PTPN7: variants seen among roughly 807,000 people sequenced by gnomAD.
The protein encoded by PTPN7 is tyrosine-protein phosphatase non-receptor type 7.
A neutral mutation model predicts 50.3 loss-of-function variants in PTPN7; 33 were observed. The observed-to-expected ratio is 0.66, with a 90% CI of 0.50 to 0.88. The LOEUF (loss-of-function observed/expected upper bound fraction) is 0.88, where lower values mean the gene tolerates loss of function less well. Among genes scored for constraint, PTPN7 ranks in the 40% least tolerant of loss-of-function variants. PTPN7 has a pLI of 0.00. For synonymous variants in PTPN7, 185 were observed against 186.6 expected (o/e 0.99, Z 0.07); for missense variants, 412 against 475.4 (o/e 0.87, Z 1.24).
At chr1:202,149,078 C>T (rs1014593389) in intron 9 of PTPN7, among the ~76,000 whole-genome samples, 10 of 152,036 alleles carry the variant, frequency 6.6e-5, no homozygotes, top group Non-Finnish European at 1.0e-4. Flanking sequence ...TGGTCTTGAA[C>T]TCCTGACCTC....
At position 202,159,554 on chromosome 1, in the gene PTPN7, C is replaced by T. The variant is rs143002352; in HGVS notation, c.-52-100G>A. 7.0e-5 allele frequency: 106 copies of T among 1,509,634 alleles called. No individual in the cohort carries two copies. The South Asian group carries it at 9.4e-4, about 13-fold the overall frequency. 93.5% of individuals were successfully genotyped at this position (1,509,634 alleles called of 1,614,324 possible). On this transcript the variant is annotated intron_variant, in intron 1 of 9. Transcript: ENST00000691036. This position sits in a 1 kb window ranked among gnomAD's most constrained non-coding sequence, Gnocchi z 4.6. ...GGTTTGCACTCTGTTTTCACTGGGG[C>T]GTCTTCTGTTCCCCAAGAGGTGGCC...
Position 202,158,086 on chromosome 1 carries a change from A to C in PTPN7, c.306+32T>G, listed in dbSNP as rs748255766. The C allele has an allele frequency of 1.9e-6, 3 of 1,548,828 alleles. No homozygotes were observed. The East Asian group carries it at 6.7e-5, about 35-fold the overall frequency. ...GCTGGCTGCCTCTGATACAGAGGGC[A>C]GAGCGATTCAGAGGGGACCCCAATT... is the stretch of plus-strand genomic sequence containing the variant. On this transcript the variant is annotated intron_variant, in intron 3 of 9. Transcript: ENST00000691036.
At chr1:202,155,195 A>G (rs1041539864) in intron 5 of PTPN7, among the ~76,000 whole-genome samples, 3 of 152,182 alleles carry the variant, frequency 2.0e-5, no homozygotes, top group East Asian at 1.9e-4. Context: ...TCACCTATGC[A>G]GTTCTCGGGA....
Position 202,159,674 on chromosome 1 carries a change from T to G in PTPN7, c.-52-220A>C. 7.2e-7 allele frequency: 1 copy of G among 1,396,170 alleles called. No individual in the cohort carries two copies. The highest frequency in any genetic ancestry group is 2.5e-5 in the East Asian group (1 of 40,024). The allele number at this position is 1,396,170 out of a possible 1,614,324, so 86.5% of individuals were successfully genotyped here. The stretch of plus-strand genomic sequence containing the variant: ...GTAACGGCAAGATAAAGGGTAGAGA[T>G]TGTGGATGAAGATAGGAAAGAATCC... On this transcript the variant is annotated intron_variant, in intron 1 of 9. Transcript: ENST00000691036. This position sits in a 1 kb window ranked among gnomAD's most constrained non-coding sequence, Gnocchi z 4.6.
intron 8 of PTPN7, among the ~76,000 whole-genome samples, chr1:202,151,177 CTT>C (rs1655969218): frequency 6.6e-6 from 1 of 152,214 alleles, no homozygotes; most frequent in South Asian, 2.1e-4. Flanking sequence ...ATCCAAGTGT[CTT>C]AGCCAGTCCT....
chr1:202,148,744 T>A (rs1424434818), intron 9 of PTPN7, 45 bp from the exon 10 acceptor site: 1 of 1,560,954 alleles, frequency 6.4e-7, no homozygotes, highest in African/African-American at 1.4e-5. Flanking sequence ...AGGGTCAGGG[T>A]GCTGGCTGAA....
rs199712697 is a variant in PTPN7 at position 202,159,490 on chromosome 1, C to G, written c.-52-36G>C. 6.3e-6 allele frequency: 10 copies of G among 1,592,194 alleles called. No individual in the cohort carries two copies. The African/African-American group carries it at 1.3e-4, about 21-fold the overall frequency. Reference sequence around the variant, plus strand: ...GGGCCCTCCGCTGCTGTTCTCTGGCCTGCCTGATTGGCCAGAAGGAGGCTC... The same window carrying G: ...GGGCCCTCCGCTGCTGTTCTCTGGCGTGCCTGATTGGCCAGAAGGAGGCTC... On this transcript the variant is annotated intron_variant, in intron 1 of 9. Coordinates refer to ENST00000691036, the MANE Select transcript of PTPN7 (RefSeq NM_002832.4). The surrounding 1 kb of genome is among the most constrained non-coding windows in gnomAD (Gnocchi z 4.6).
rs1657158458 is a variant in PTPN7 at position 202,159,887 on chromosome 1, C to T, written c.-52-433G>A. 6.8e-6 allele frequency: 7 copies of T among 1,025,754 alleles called. No homozygotes were observed. The highest frequency in any genetic ancestry group is 8.2e-6 in the Non-Finnish European group (7 of 855,674). 63.5% of individuals were successfully genotyped at this position (1,025,754 alleles called of 1,614,324 possible). On this transcript the variant is annotated intron_variant, in intron 1 of 9. Transcript: ENST00000691036. The surrounding 1 kb of genome is among the most constrained non-coding windows in gnomAD (Gnocchi z 4.6). ...CTTCCCCTGAACAGAGAATGGAGGC[C>T]TCCAGCAGTGTTGGAGCTGGTTGGG...
At chr1:202,160,703 CT>C, upstream of PTPN7, 2 of 1,550,532 alleles carry the variant, frequency 1.3e-6, no homozygotes, top group Non-Finnish European at 1.7e-6. The surrounding 1 kb of genome is among the most constrained non-coding windows in gnomAD (Gnocchi z 4.8). Flanking sequence ...CCTCCTGTGC[CT>C]GCTGCCGCTG....
Position 202,148,542 on chromosome 1 carries a change from C to A in PTPN7, c.*64G>T. 1 of 1,484,218 alleles carries A rather than the reference C, an allele frequency of 6.7e-7. No individual in the cohort carries two copies. Among genetic ancestry groups the A allele is most frequent in the Non-Finnish European group, 9.3e-7 (1 of 1,071,806 alleles). The allele number at this position is 1,484,218 out of a possible 1,614,324, so 91.9% of individuals were successfully genotyped here. ...ACCCCCAGATCACTCGGCCCACTTT[C>A]CCCAGACCCACCTTCCCAGGCTTGA... On this transcript the variant is annotated 3_prime_UTR_variant, in exon 10 of 10. Coordinates refer to ENST00000691036, the MANE Select transcript of PTPN7 (RefSeq NM_002832.4).
chr1:202,160,687 T>C, upstream of PTPN7: 3 of 1,550,510 alleles, frequency 1.9e-6, no homozygotes, highest in Non-Finnish European at 2.6e-6. The surrounding 1 kb of genome is among the most constrained non-coding windows in gnomAD (Gnocchi z 4.8). Context: ...CCCAGCTGCA[T>C]TCTGCCCTCC....
intron 3 of PTPN7, 72 bp downstream of exon 3, chr1:202,158,046 G>C: frequency 6.8e-7 from 1 of 1,481,066 alleles, no homozygotes. Flanking sequence ...GGGTGCCCGT[G>C]AGAGAATGGT....
intron 4 of PTPN7, among the ~76,000 whole-genome samples, chr1:202,156,997 G>A (rs1257542255): frequency 6.6e-6 from 1 of 152,214 alleles, no homozygotes; most frequent in Non-Finnish European, 1.5e-5. Flanking sequence ...CTTTCTCAAA[G>A]CCATCTCTCT....
intron 3 of PTPN7, 129 bp from the exon 4 acceptor site, chr1:202,157,952 G>T: frequency 8.1e-7 from 1 of 1,229,588 alleles, no homozygotes; most frequent in South Asian, 1.4e-5. Flanking sequence ...GATGGGGTGG[G>T]GGCAGAAGGG....
chr1:202,154,519 T>C (rs1206157853), intron 5 of PTPN7, among the ~76,000 whole-genome samples, 196 bp from the exon 6 acceptor site: 1 of 152,230 alleles, frequency 6.6e-6, no homozygotes, highest in Non-Finnish European at 1.5e-5. Flanking sequence ...CAGATCCCTG[T>C]TCTGCTGTTT....
chr1:202,156,448 C>T (rs1290332929), intron 4 of PTPN7, among the ~76,000 whole-genome samples: 15 of 152,154 alleles, frequency 9.9e-5, no homozygotes, highest in East Asian at 9.6e-4. Flanking sequence ...CGCTCAGCCA[C>T]GAGGCATTTG....
In PTPN7 at chr1:202,159,294, G is replaced by C. The variant is rs149516769; in HGVS notation, c.109C>G (p.Arg37Gly). 4 of 1,614,166 alleles carry C rather than the reference G, an allele frequency of 2.5e-6. No homozygotes were observed. The highest frequency in any genetic ancestry group is 3.4e-6 in the Non-Finnish European group (4 of 1,179,994). The change falls in exon 2 of 10, where the codon CGA (arginine) becomes GGA (glycine). Residue 37 changes from arginine (R) to glycine (G), a missense_variant. By Grantham distance (125) the Arg-to-Gly change is moderately radical (BLOSUM62 -2). Transcript: ENST00000691036. The surrounding 1 kb of genome is among the most constrained non-coding windows in gnomAD (Gnocchi z 4.6). The stretch of plus-strand genomic sequence containing the variant: ...GGAAGATCTCACCTCTCCTGCAGTC[G>C]CACATGCTTCTTGGCTGGCGTTTTT... Reference protein sequence around the residue: ...PEKTPAKKHVRLQERRGSNVA... With the variant: ...PEKTPAKKHVGLQERRGSNVA...
At position 202,147,623 on chromosome 1, in the gene PTPN7, C is replaced by G. The variant is rs1655470363; in HGVS notation, c.*983G>C. 1 of 152,182 alleles carries G rather than the reference C, an allele frequency of 6.6e-6. No homozygotes were observed. Among genetic ancestry groups the G allele is most frequent in the African/African-American group, 2.4e-5 (1 of 41,422 alleles). The allele number at this position is 152,182 out of a possible 1,614,324, so 9.4% of individuals were successfully genotyped here. On this transcript the variant is annotated 3_prime_UTR_variant, in exon 10 of 10. Transcript: ENST00000691036. ...GATGGATGAGGGGTGCTCATTCTCT[C>G]AGGTAGACAGTGAGGAGTCCTGGTT...
chr1:202,155,465 T>G, intron 5 of PTPN7, 68 bp downstream of exon 5: 2 of 1,446,404 alleles, frequency 1.4e-6, no homozygotes, highest in Admixed American at 3.5e-5. Context: ...CAGCCATGGC[T>G]GGAAGATATT....
Sources: gnomAD v4.1 joint callset for allele counts (sites outside exome capture counted in the v4.1 genomes callset) on GRCh38, gnomAD v4.1.1 for gene constraint, Gnocchi (gnomAD v3.1) non-coding constraint, MANE v1.5 for transcripts, NCBI Gene and HGNC (gene_info 2026-07-23, HGNC 2026-07-21) for gene names.